ZNF91: variants seen among roughly 807,000 people sequenced by gnomAD.
The protein encoded by ZNF91 is zinc finger protein 91.
ZNF91 carries 7 observed loss-of-function variants against 12.6 expected under a neutral mutation model. The ratio of observed to expected loss-of-function variants is 0.55; its 90% confidence interval spans 0.31 to 1.04. The LOEUF (loss-of-function observed/expected upper bound fraction) is 1.04. ZNF91 is among the 50% of genes least tolerant of loss of function. The pLI, the probability that ZNF91 is intolerant of heterozygous loss-of-function variation, is 0.05. For synonymous variants in ZNF91, 453 were observed against 462.6 expected, an observed-to-expected ratio of 0.98 and a Z score of 0.27; for missense variants, 1,217 against 1,385.4, an observed-to-expected ratio of 0.88 and a Z score of 1.93.
At chr19:23,315,778 G>T (rs911299638) in intron 1 of ZNF91, among the ~76,000 whole-genome samples, 18 of 151,984 alleles carry the variant, frequency 1.2e-4, no homozygotes, top group African/African-American at 4.4e-4. Flanking sequence ...CATATTTCTT[G>T]TCCCCTCACC....
chr19:23,363,586 C>T (rs775341925), intron 3 of ZNF91, among the ~76,000 whole-genome samples: 21 of 152,172 alleles, frequency 1.4e-4, no homozygotes, highest in Non-Finnish European at 2.9e-4. Flanking sequence ...GACAAAACTA[C>T]ATTATAAAGA....
chr19:23,377,428 A>G (rs561575355), intron 1 of ZNF91, among the ~76,000 whole-genome samples: 1 of 152,304 alleles, frequency 6.6e-6, no homozygotes, highest in South Asian at 2.1e-4. Flanking sequence ...AAGCATTGCC[A>G]CTCAAGCTTT....
intron 3 of ZNF91, among the ~76,000 whole-genome samples, chr19:23,369,395 G>A (rs1255158660): frequency 2.4e-4 from 37 of 151,414 alleles, no homozygotes; most frequent in Non-Finnish European, 3.8e-4. Context: ...GGTGGGGTGC[G>A]CCTCCGCCCG....
chr19:23,360,232 C>T lies in ZNF91; in HGVS notation c.2747G>A (p.Gly916Asp), dbSNP rs1968675484. Residue 916 changes from glycine to aspartate, a missense_variant, in exon 4 of 4, where the codon GGC becomes GAC. By Grantham distance (94) the Gly-to-Asp change is moderately conservative. This residue lies in a region of ZNF91 where 491 missense variants were observed against 489.8 expected (regional missense o/e 1.00). Coordinates refer to ENST00000300619, the MANE Select transcript of ZNF91 (RefSeq NM_003430.4). The part of the protein sequence containing the change: ...REKTYKCEEC[G>D]KAFSQPSHLT... ...GTGTGAAGGCTGGCTAAATGCTTTG[C>T]CACATTCTTCACATTTGTAGGTTTT... The T allele has an allele frequency of 1.2e-6, 2 of 1,613,756 alleles. No individual in the cohort carries two copies. Among genetic ancestry groups the T allele is most frequent in the South Asian group, 1.1e-5 (1 of 91,072 alleles).
At position 23,359,483 on chromosome 19, in the gene ZNF91, A is replaced by T. The variant is rs760312253; in HGVS notation, c.3496T>A (p.Trp1166Arg). Residue 1166 changes from tryptophan (W) to arginine (R), a missense_variant, in exon 4 of 4, where the codon TGG becomes AGG. Physicochemically the swap from Trp to Arg is moderately radical, Grantham distance 101 (BLOSUM62 -3). Transcript: ENST00000300619. ...HTITPVIPLLWEAEAGGSRGQ... is the reference protein window; with the variant it reads ...HTITPVIPLLREAEAGGSRGQ... ...CGTGATCCGCCCGCCTCGGCCTCCC[A>T]AAGTAGTGGGATTACAGGTGTGATA... 12 of 1,611,136 alleles carry T rather than the reference A, an allele frequency of 7.4e-6. No homozygotes were observed. The African/African-American group carries it at 1.2e-4, about 16-fold the overall frequency.
chr19:23,358,948 TA>T lies in ZNF91; in HGVS notation c.*454del. ...GACTTTACCACATTATTCACACTTG[TA>T]AGATTTCTCTCCAATATGAGTTATC... On this transcript the variant is annotated 3_prime_UTR_variant, in exon 4 of 4. Transcript: ENST00000300619. The T allele has an allele frequency of 2.9e-6, 1 of 341,120 alleles. No individual in the cohort carries two copies. The highest frequency in any genetic ancestry group is 5.7e-6 in the Non-Finnish European group (1 of 175,024). The allele number at this position is 341,120 out of a possible 1,614,324, so 21.1% of individuals were successfully genotyped here. A position where few individuals can be genotyped will look rare whatever the true frequency, so the allele number is the denominator to read the frequency against.
intron 1 of ZNF91, among the ~76,000 whole-genome samples, chr19:23,332,637 A>T (rs925431236): frequency 6.6e-6 from 1 of 151,918 alleles, no homozygotes; most frequent in Non-Finnish European, 1.5e-5. Context: ...GAAAAAGTAT[A>T]AGTGTGCCAG....
chr19:23,363,284 G>C (rs1375023256), intron 3 of ZNF91, among the ~76,000 whole-genome samples: 1 of 152,084 alleles, frequency 6.6e-6, no homozygotes, highest in East Asian at 1.9e-4. Context: ...GGCTTTTCCT[G>C]ACACTGATTT....
Position 23,368,546 on chromosome 19 carries a change from C to CTA in ZNF91, c.253+5195_253+5196insTA, listed in dbSNP as rs1242790644. On this transcript the variant is annotated intron_variant, in intron 3 of 3. Transcript: ENST00000300619. ...TCTCTCTCTCTCTCTCTCTCTCTCT[C>CTA]TCTCTCTCTCTCTCTCTATATATAT... 7.6e-5 allele frequency among the ~76,000 whole-genome samples: 7 copies of CTA among 92,710 alleles called. No homozygotes were observed. The East Asian group carries it at 9.8e-4, about 13-fold the overall frequency. 60.8% of individuals were successfully genotyped at this position (92,710 alleles called of 152,430 possible).
rs768580176 is a variant in ZNF91, at chr19:23,360,842, G to A, written c.2137C>T (p.Leu713Phe). Residue 713 changes from leucine (L) to phenylalanine (F), a missense_variant, in exon 4 of 4, where the codon CTC (leucine) becomes TTC (phenylalanine). By Grantham distance (22) the Leu-to-Phe change is conservative. Around this residue, in one of 2 missense-constraint regions of ZNF91, gnomAD observed 726 missense variants for 895.5 expected, o/e 0.81. Coordinates refer to ENST00000300619, the MANE Select transcript of ZNF91 (RefSeq NM_003430.4). Reference sequence around the variant, plus strand: ...TTGCCACATTCTTCACATTTGTAGAGTTTCTCTCCAGCATGTATTATTTTA... The same window carrying A: ...TTGCCACATTCTTCACATTTGTAGAATTTCTCTCCAGCATGTATTATTTTA... Reference protein sequence around the residue: ...KHKIIHAGEKLYKCEECGKAF... With the variant: ...KHKIIHAGEKFYKCEECGKAF... The A allele has an allele frequency of 1.7e-5, 27 of 1,613,554 alleles. No homozygotes were observed. Among genetic ancestry groups the A allele is most frequent in the Admixed American group, 6.7e-5 (4 of 59,968 alleles).
At chr19:23,315,284 T>C (rs1425770149), upstream of ZNF91, among the ~76,000 whole-genome samples, 1 of 152,232 alleles carries the variant, frequency 6.6e-6, no homozygotes, top group Non-Finnish European at 1.5e-5. Context: ...CTCTCTTGCA[T>C]GGGCCCTGCC....
chr19:23,321,673 A>C (rs1266399061), intron 1 of ZNF91, among the ~76,000 whole-genome samples: 1 of 152,114 alleles, frequency 6.6e-6, no homozygotes, highest in South Asian at 2.1e-4. Flanking sequence ...GCCCAGGACC[A>C]AGGTGATGTG....
chr19:23,362,727 T>C lies in ZNF91; in HGVS notation c.254-2A>G. ...CTTGAGGAAAATGAGGACATATACCTGAAAAAAAAAAACTAAAAATAATAA... is the reference window on the plus strand; with the variant it reads ...CTTGAGGAAAATGAGGACATATACCCGAAAAAAAAAAACTAAAAATAATAA... On this transcript the variant is annotated splice_acceptor_variant, in intron 3 of 3. Transcript: ENST00000300619. LOFTEE classifies it high-confidence loss of function. 3 of 1,424,294 alleles carry C rather than the reference T, an allele frequency of 2.1e-6. No homozygotes were observed. The highest frequency in any genetic ancestry group is 2.4e-5 in the East Asian group (1 of 41,620). The allele number at this position is 1,424,294 out of a possible 1,614,324, so 88.2% of individuals were successfully genotyped here. A position where few individuals can be genotyped will look rare whatever the true frequency, so the allele number is the denominator to read the frequency against.
At chr19:23,316,253 G>A (rs1188755637) in intron 1 of ZNF91, among the ~76,000 whole-genome samples, 10 of 150,144 alleles carry the variant, frequency 6.7e-5, no homozygotes, top group South Asian at 2.1e-4. Context: ...GGAAGGCTCC[G>A]CCTGGGGCCT....
At chr19:23,373,919 A>G in intron 2 of ZNF91, 82 bp from the exon 3 acceptor site, 2 of 791,862 alleles carry the variant, frequency 2.5e-6, no homozygotes, top group Non-Finnish European at 3.8e-6. Flanking sequence ...TAAAGAGCAT[A>G]TAATAGAATA....
chr19:23,386,137 C>A (rs1969863948), intron 1 of ZNF91, among the ~76,000 whole-genome samples: 2 of 151,812 alleles, frequency 1.3e-5, no homozygotes, highest in Non-Finnish European at 2.9e-5. Context: ...ATAAGAATTA[C>A]AAAACAATGC....
chr19:23,323,295 C>G (rs1379173759), intron 1 of ZNF91, among the ~76,000 whole-genome samples: 1 of 147,686 alleles, frequency 6.8e-6, no homozygotes, highest in Non-Finnish European at 1.5e-5. Context: ...TCCTCCCCTC[C>G]TTCTCTTCCT....
In ZNF91 at chr19:23,358,551, T is replaced by C. The variant is rs1049434541; in HGVS notation, c.*852A>G. On this transcript the variant is annotated 3_prime_UTR_variant, in exon 4 of 4. Transcript: ENST00000300619. ...CGTTTGACAGTAATTACACTTCTTA[T>C]TTAGTATGAACGCTCTGAATTTGAG... 6.6e-6 allele frequency: 1 copy of C among 152,272 alleles called. No individual in the cohort carries two copies. Among genetic ancestry groups the C allele is most frequent in the African/African-American group, 2.4e-5 (1 of 41,462 alleles). The allele number at this position is 152,272 out of a possible 1,614,324, so 9.4% of individuals were successfully genotyped here.
chr19:23,359,523 A>G lies in ZNF91; in HGVS notation c.3456T>C (p.His1152=), dbSNP rs1370978242. 6 of 1,613,738 alleles carry G rather than the reference A, an allele frequency of 3.7e-6. No individual in the cohort carries two copies. Among genetic ancestry groups the G allele is most frequent in the South Asian group, 3.3e-5 (3 of 91,078 alleles). ...CAGGTGTGATAGTATGAATTTTCTTATGGTTAGTAAGGATTGAAGACTGGT... is the reference window on the plus strand; with the variant it reads ...CAGGTGTGATAGTATGAATTTTCTTGTGGTTAGTAAGGATTGAAGACTGGT... ...AFNQSSILTN[H]KKIHTITPVI... is the part of the protein sequence containing the mutation. Residue 1152 remains histidine (H), a synonymous_variant, in exon 4 of 4, where the codon CAT becomes CAC. Coordinates refer to ENST00000300619, the MANE Select transcript of ZNF91 (RefSeq NM_003430.4).
Sources: gnomAD v4.1 joint callset for allele counts (sites outside exome capture counted in the v4.1 genomes callset) on GRCh38, gnomAD v4.1.1 for gene constraint, gnomAD v4.1.1 regional missense constraint, MANE v1.5 for transcripts, NCBI Gene and HGNC (gene_info 2026-07-23, HGNC 2026-07-21) for gene names.